Variants in ANKIB1 observed in about 807,000 individuals in gnomAD.
ANKIB1 encodes ankyrin repeat and IBR domain containing 1.
A neutral mutation model predicts 122.1 loss-of-function variants in ANKIB1; 43 were observed. The ratio of observed to expected loss-of-function variants is 0.35; its 90% CI spans 0.28 to 0.45. ANKIB1 has a LOEUF of 0.45. Among genes scored for constraint, ANKIB1 ranks in the 20% least tolerant of loss-of-function variants. ANKIB1 has a pLI of 1.00. For synonymous variants in ANKIB1, 390 were observed against 442.0 expected (o/e 0.88, Z 1.48); for missense variants, 992 against 1,329.5 (o/e 0.75, Z 3.95).
intron 4 of ANKIB1, among the ~76,000 whole-genome samples, chr7:92,327,186 A>T (rs1326097740): frequency 6.6e-6 from 1 of 152,224 alleles, no homozygotes; most frequent in East Asian, 1.9e-4. Flanking sequence ...TGGTCTTGCC[A>T]TTATACTATG....
intron 17 of ANKIB1, among the ~76,000 whole-genome samples, chr7:92,393,459 A>G (rs1378268395): frequency 6.6e-6 from 1 of 152,060 alleles, no homozygotes; most frequent in Non-Finnish European, 1.5e-5. Context: ...ATTGTGGTAA[A>G]CTTCCACCTA....
In ANKIB1 at chr7:92,355,843, C is replaced by T. The variant is rs987197253; in HGVS notation, c.1397+3201C>T. ...CAGCCCAGGCAACGGAGCGAGACTC[C>T]GTCTCATAATAATAATAATAATAAT... is the stretch of plus-strand genomic sequence containing the variant. On this transcript the variant is annotated intron_variant, in intron 9 of 19. Coordinates refer to ENST00000265742, the MANE Select transcript of ANKIB1 (RefSeq NM_019004.2). Among the ~76,000 whole-genome samples, 79 of 137,154 alleles carry T rather than the reference C, an allele frequency of 5.8e-4. 2 individuals carry two copies. The highest frequency in any genetic ancestry group is 2.1e-3 in the African/African-American group (75 of 36,060). 90.0% of individuals were successfully genotyped at this position (137,154 alleles called of 152,430 possible).
At chr7:92,271,385 A>G (rs1801787544) in intron 1 of ANKIB1, among the ~76,000 whole-genome samples, 1 of 152,206 alleles carries the variant, frequency 6.6e-6, no homozygotes. Flanking sequence ...CTTAAGATCA[A>G]TTAGTGTGTT....
chr7:92,251,208 C>G (rs1801323691), intron 1 of ANKIB1, among the ~76,000 whole-genome samples: 1 of 152,110 alleles, frequency 6.6e-6, no homozygotes, highest in South Asian at 2.1e-4. Flanking sequence ...GGTGCTGGGT[C>G]TACAAAGATG....
intron 1 of ANKIB1, among the ~76,000 whole-genome samples, chr7:92,267,119 A>C (rs1166740147): frequency 6.6e-6 from 1 of 152,142 alleles, no homozygotes; most frequent in African/African-American, 2.4e-5. Context: ...TATGTAAACA[A>C]CTCTTTCGAG....
At chr7:92,292,904 ATTCT>A (rs1479381824) in intron 1 of ANKIB1, among the ~76,000 whole-genome samples, 2 of 152,190 alleles carry the variant, frequency 1.3e-5, no homozygotes, top group Admixed American at 6.5e-5. Flanking sequence ...GAGCTTTTAA[ATTCT>A]TTCTCTTTGT....
intron 2 of ANKIB1, among the ~76,000 whole-genome samples, chr7:92,305,968 T>A (rs1291126207): frequency 6.6e-6 from 1 of 152,200 alleles, no homozygotes; most frequent in Non-Finnish European, 1.5e-5. Context: ...GATGCTAGTC[T>A]TATCTTTCCC....
At chr7:92,368,640 G>C (rs1804156871) in intron 10 of ANKIB1, among the ~76,000 whole-genome samples, 1 of 151,790 alleles carries the variant, frequency 6.6e-6, no homozygotes, top group South Asian at 2.1e-4. Flanking sequence ...AGAATCACTT[G>C]AACCCAGGAG....
At chr7:92,386,390 A>G in intron 11 of ANKIB1, 119 bp from the exon 12 acceptor site, 1 of 1,137,568 alleles carries the variant, frequency 8.8e-7, no homozygotes, top group Non-Finnish European at 1.2e-6. Context: ...CTTTGAGAAG[A>G]TTTATTACTG....
At chr7:92,344,384 T>G (rs1803497325) in intron 6 of ANKIB1, among the ~76,000 whole-genome samples, 1 of 151,878 alleles carries the variant, frequency 6.6e-6, no homozygotes, top group South Asian at 2.1e-4. Context: ...TTTGTATTTT[T>G]GGTAGAGACA....
intron 1 of ANKIB1, among the ~76,000 whole-genome samples, chr7:92,289,835 A>C (rs1327697198): frequency 6.6e-6 from 1 of 152,040 alleles, no homozygotes; most frequent in East Asian, 1.9e-4. Context: ...TTATCCTTTG[A>C]AAGTTAAGTC....
rs5885805 is a variant in ANKIB1, at chr7:92,355,848, C to CATAATA, written c.1397+3240_1397+3245dup. Reference sequence around the variant, plus strand: ...CAGGCAACGGAGCGAGACTCCGTCTCATAATAATAATAATAATAATAATAA... The same window carrying CATAATA: ...CAGGCAACGGAGCGAGACTCCGTCTCATAATAATAATAATAATAATAATAATAATAA... On this transcript the variant is annotated intron_variant, in intron 9 of 19. Coordinates refer to ENST00000265742, the MANE Select transcript of ANKIB1 (RefSeq NM_019004.2). Among the ~76,000 whole-genome samples the CATAATA allele has an allele frequency of 7.2e-3, 1,038 of 143,340 alleles. 4 individuals carry two copies. Among genetic ancestry groups the CATAATA allele is most frequent in the East Asian group, 0.013 (61 of 4,830 alleles). 94.0% of individuals were successfully genotyped at this position (143,340 alleles called of 152,430 possible). A position where few individuals can be genotyped will look rare whatever the true frequency, so the allele number is the denominator to read the frequency against.
chr7:92,356,786 T>C (rs1435820584), intron 9 of ANKIB1, among the ~76,000 whole-genome samples: 1 of 152,226 alleles, frequency 6.6e-6, no homozygotes, highest in Non-Finnish European at 1.5e-5. Flanking sequence ...GTATGGCCTT[T>C]GATAGGTTAC....
At chr7:92,268,949 T>C (rs1342146075) in intron 1 of ANKIB1, among the ~76,000 whole-genome samples, 1 of 152,214 alleles carries the variant, frequency 6.6e-6, no homozygotes, top group Non-Finnish European at 1.5e-5. Context: ...GTAGAATGTT[T>C]GGGGAAAGCA....
intron 1 of ANKIB1, among the ~76,000 whole-genome samples, chr7:92,247,435 A>G (rs1801166830): frequency 6.6e-6 from 1 of 152,206 alleles, no homozygotes; most frequent in African/African-American, 2.4e-5. Context: ...ATTAGATTGT[A>G]TTTGATAATT....
intron 4 of ANKIB1, chr7:92,326,002 GAGAA>G (rs1803020915): frequency 4.7e-6 from 2 of 428,682 alleles, no homozygotes; most frequent in Admixed American, 5.5e-5. Context: ...CAACAGGAAA[GAGAA>G]AGGTACTTTC....
chr7:92,304,866 A>T (rs186324088), intron 2 of ANKIB1, among the ~76,000 whole-genome samples: 1 of 152,158 alleles, frequency 6.6e-6, no homozygotes, highest in Non-Finnish European at 1.5e-5. Flanking sequence ...TATAAAAAAA[A>T]TTACCCATAT....
intron 1 of ANKIB1, among the ~76,000 whole-genome samples, chr7:92,289,296 A>G (rs1040485850): frequency 3.3e-5 from 5 of 152,254 alleles, no homozygotes; most frequent in African/African-American, 1.2e-4. Flanking sequence ...CACACAGAAT[A>G]AATCAAAGCC....
chr7:92,319,563 TTA>T, intron 4 of ANKIB1, 51 bp downstream of exon 4: 1 of 1,539,482 alleles, frequency 6.5e-7, no homozygotes, highest in Non-Finnish European at 8.8e-7. Flanking sequence ...ATTTTAGATT[TTA>T]TGTTGTTTTG....
Sources: gnomAD v4.1 joint callset for allele counts (sites outside exome capture counted in the v4.1 genomes callset) on GRCh38, gnomAD v4.1.1 for gene constraint, MANE v1.5 for transcripts, NCBI Gene and HGNC (gene_info 2026-07-23, HGNC 2026-07-21) for gene names.